The following CD38 variants were observed in gnomAD, a reference collection of about 807,000 sequenced individuals.
The protein encoded by CD38 is ADP-ribosyl cyclase/cyclic ADP-ribose hydrolase 1.
Under a neutral mutation model 36.3 loss-of-function variants are expected in CD38, and 31 were observed. That is an observed-to-expected ratio of 0.85 (90% CI 0.64 to 1.15). The LOEUF is 1.15. Among genes scored for constraint, CD38 ranks in the 50% most tolerant of loss-of-function variants. The pLI is 0.00. For missense variants in CD38, 380 were observed against 371.9 expected (o/e 1.02, Z -0.18); for synonymous variants, 131 against 135.2 (o/e 0.97, Z 0.22).
At chr4:15,827,820 T>C (rs1723881974) in intron 3 of CD38, among the ~76,000 whole-genome samples, 1 of 152,198 alleles carries the variant, frequency 6.6e-6, no homozygotes, top group East Asian at 1.9e-4. Context: ...ATCTACATTC[T>C]AATACTTTGG....
intron 1 of CD38, among the ~76,000 whole-genome samples, chr4:15,811,997 G>A (rs1346175118): frequency 6.6e-6 from 1 of 152,138 alleles, no homozygotes; most frequent in African/African-American, 2.4e-5. Context: ...TCTGTGGTGG[G>A]GCAGGAGAGG....
chr4:15,817,064 TC>T (rs1227942048), intron 2 of CD38, among the ~76,000 whole-genome samples: 3 of 152,190 alleles, frequency 2.0e-5, no homozygotes, highest in Non-Finnish European at 4.4e-5. Context: ...TACAAAAGAC[TC>T]TCCTAATCCT....
intron 2 of CD38, among the ~76,000 whole-genome samples, chr4:15,817,399 C>A (rs1401112737): frequency 3.3e-5 from 5 of 152,222 alleles, no homozygotes; most frequent in African/African-American, 1.2e-4. Flanking sequence ...GCCTCTCATT[C>A]CATTGTTAGT....
intron 1 of CD38, among the ~76,000 whole-genome samples, chr4:15,796,962 T>C (rs910555752): frequency 1.3e-5 from 2 of 152,210 alleles, no homozygotes; most frequent in African/African-American, 4.8e-5. Flanking sequence ...CATACGTGGA[T>C]GTGTGTATAA....
chr4:15,804,220 A>G (rs2148919195), intron 1 of CD38, among the ~76,000 whole-genome samples: 1 of 152,260 alleles, frequency 6.6e-6, no homozygotes, highest in South Asian at 2.1e-4. Context: ...TTTTATTAAT[A>G]GTTCTTTAAG....
intron 1 of CD38, among the ~76,000 whole-genome samples, chr4:15,796,268 T>C (rs1005525012): frequency 1.3e-5 from 2 of 152,082 alleles, no homozygotes; most frequent in African/African-American, 4.8e-5. Flanking sequence ...TTTTCAAAGG[T>C]AGTTTTGAAC....
intron 1 of CD38, among the ~76,000 whole-genome samples, chr4:15,796,761 C>T (rs958654209): frequency 6.6e-6 from 1 of 152,076 alleles, no homozygotes; most frequent in African/African-American, 2.4e-5. Flanking sequence ...AGTATCTCTT[C>T]CGTGTCTTAG....
chr4:15,828,161 C>T (rs1723889119), intron 3 of CD38, among the ~76,000 whole-genome samples: 1 of 151,994 alleles, frequency 6.6e-6, no homozygotes, highest in African/African-American at 2.4e-5. Flanking sequence ...ACTACAGGTG[C>T]CTGCCACCAC....
At chr4:15,815,693 A>G (rs1723580444) in intron 1 of CD38, among the ~76,000 whole-genome samples, 1 of 152,118 alleles carries the variant, frequency 6.6e-6, no homozygotes, top group African/African-American at 2.4e-5. Flanking sequence ...TAAATATACA[A>G]TCATGTCATC....
intron 1 of CD38, among the ~76,000 whole-genome samples, chr4:15,814,893 G>A (rs542732484): frequency 2.0e-5 from 3 of 151,074 alleles, no homozygotes; most frequent in Admixed American, 6.6e-5. Context: ...TGCAACCTCC[G>A]CCTCCCTGGT....
At chr4:15,809,779 T>A (rs1332149250) in intron 1 of CD38, among the ~76,000 whole-genome samples, 1 of 152,150 alleles carries the variant, frequency 6.6e-6, no homozygotes, top group African/African-American at 2.4e-5. Flanking sequence ...AACAGAAGAA[T>A]CTTTGAAAAA....
At chr4:15,804,350 T>A (rs1290504667) in intron 1 of CD38, among the ~76,000 whole-genome samples, 5 of 152,232 alleles carry the variant, frequency 3.3e-5, no homozygotes. Flanking sequence ...ACAGCTATTA[T>A]GGAAAGCAGT....
chr4:15,840,642 T>C (rs1724186628), intron 7 of CD38, 104 bp downstream of exon 7: 6 of 668,092 alleles, frequency 9.0e-6, no homozygotes, highest in Admixed American at 5.3e-5. Context: ...TGAATCTTTC[T>C]TGGGCCTTGA....
intron 7 of CD38, among the ~76,000 whole-genome samples, chr4:15,843,355 A>C (rs1276191495): frequency 3.5e-5 from 2 of 57,194 alleles, no homozygotes; most frequent in Non-Finnish European, 6.3e-5. Context: ...TAGACAAGCA[A>C]ATGCTGAGAG....
intron 1 of CD38, among the ~76,000 whole-genome samples, chr4:15,788,948 TAACAG>T (rs1305411338): frequency 3.9e-5 from 6 of 152,154 alleles, no homozygotes; most frequent in African/African-American, 1.4e-4. Flanking sequence ...TTTGCATACT[TAACAG>T]AAAAGATCTC....
At chr4:15,814,951 C>G (rs1285182154) in intron 1 of CD38, among the ~76,000 whole-genome samples, 1 of 151,952 alleles carries the variant, frequency 6.6e-6, no homozygotes, top group African/African-American at 2.4e-5. Context: ...GGATTACAGG[C>G]ATGTATCACC....
intron 3 of CD38, among the ~76,000 whole-genome samples, chr4:15,833,695 C>A (rs543480541): frequency 6.6e-6 from 1 of 152,186 alleles, no homozygotes; most frequent in African/African-American, 2.4e-5. Context: ...AGAAGTGACA[C>A]AGAAACTATG....
rs1304617227 is a variant in CD38, at chr4:15,831,415, T to C, written c.500-2802T>C. ...TGATTAAATTGCTCATTAATATCCT[T>C]TTCTTTCTAATTGAAGTACTCCCTT... On this transcript the variant is annotated intron_variant, in intron 3 of 7. Coordinates refer to ENST00000226279, the MANE Select transcript of CD38 (RefSeq NM_001775.4). Among the ~76,000 whole-genome samples, 5 of 152,160 alleles carry C rather than the reference T, an allele frequency of 3.3e-5. No individual in the cohort carries two copies. The East Asian group carries it at 9.6e-4, about 29-fold the overall frequency.
chr4:15,816,278 T>A lies in CD38; in HGVS notation c.234-233T>A, dbSNP rs149559749. ...CGGTATTAGGATGATATTGGCCTCA[T>A]AAAATGACTTATGGAGGAGTCCCTC... is the stretch of plus-strand genomic sequence containing the variant. On this transcript the variant is annotated intron_variant, in intron 1 of 7. Coordinates refer to ENST00000226279, the MANE Select transcript of CD38 (RefSeq NM_001775.4). Among the ~76,000 whole-genome samples, 15 of 152,264 alleles carry A rather than the reference T, an allele frequency of 9.9e-5. No homozygotes were observed. The East Asian group carries it at 2.7e-3, about 27-fold the overall frequency.
Sources: allele counts gnomAD v4.1 joint callset (sites outside exome capture counted in the v4.1 genomes callset), GRCh38; gene constraint gnomAD v4.1.1; transcripts MANE v1.5; gene names NCBI Gene and HGNC (gene_info 2026-07-23, HGNC 2026-07-21).